LRMDA: variants seen among roughly 807,000 people sequenced by gnomAD.
LRMDA encodes the protein leucine rich melanocyte differentiation associated, also known as leucine-rich melanocyte differentiation-associated protein.
Under a neutral mutation model 29.8 loss-of-function variants are expected in LRMDA, and 18 were observed. The ratio of observed to expected loss-of-function variants is 0.60; its 90% CI spans 0.42 to 0.90. The LOEUF (loss-of-function observed/expected upper bound fraction) is 0.90. Ranked by LOEUF, LRMDA falls within the 40% of genes least tolerant of loss-of-function variation. The probability of loss-of-function intolerance (pLI) is 0.00; values close to 1 mark genes in which losing one functional copy is unlikely to be tolerated. For missense variants in LRMDA, 273 were observed against 273.9 expected (o/e 1.00, Z 0.02); for synonymous variants, 125 against 109.4 (o/e 1.14, Z -0.89).
chr10:76,436,289 G>T (rs1842244019), intron 6 of LRMDA, among the ~76,000 whole-genome samples: 2 of 152,196 alleles, frequency 1.3e-5, no homozygotes, highest in African/African-American at 2.4e-5. Context: ...CTTTCTGTGA[G>T]TGAAAAATAA....
At chr10:75,894,427 A>C (rs138309331) in intron 2 of LRMDA, among the ~76,000 whole-genome samples, 1,590 of 152,166 alleles carry the variant, frequency 0.01, 26 homozygotes, top group African/African-American at 0.036. Flanking sequence ...TCACTTGTTG[A>C]TTGTTGGGCA....
At chr10:76,119,747 A>C (rs1589335853) in intron 5 of LRMDA, among the ~76,000 whole-genome samples, 1 of 152,188 alleles carries the variant, frequency 6.6e-6, no homozygotes, top group South Asian at 2.1e-4. Context: ...AATTCTGTAC[A>C]TTCCTGAGGT....
chr10:75,807,749 TG>T (rs1843881401), intron 2 of LRMDA, among the ~76,000 whole-genome samples: 1 of 152,192 alleles, frequency 6.6e-6, no homozygotes, highest in African/African-American at 2.4e-5. Flanking sequence ...TGGTGTTCTT[TG>T]ATCTGCCGTA....
At chr10:76,412,432 A>G (rs1183822081) in intron 6 of LRMDA, among the ~76,000 whole-genome samples, 2 of 152,234 alleles carry the variant, frequency 1.3e-5, no homozygotes, top group African/African-American at 4.8e-5. Context: ...AGGGTTAACC[A>G]TACTGTGGCT....
chr10:75,492,515 A>G (rs1027262935), intron 2 of LRMDA, among the ~76,000 whole-genome samples: 1 of 152,160 alleles, frequency 6.6e-6, no homozygotes, highest in African/African-American at 2.4e-5. Context: ...AGTGGGGAAT[A>G]TATTTTTGCT....
intron 2 of LRMDA, among the ~76,000 whole-genome samples, chr10:75,587,643 A>G (rs1471224449): frequency 6.6e-6 from 1 of 152,228 alleles, no homozygotes; most frequent in Non-Finnish European, 1.5e-5. Context: ...TTGATGACGT[A>G]CTGGTCAAAC....
intron 5 of LRMDA, among the ~76,000 whole-genome samples, chr10:76,091,716 C>A (rs914270264): frequency 1.3e-5 from 2 of 152,114 alleles, no homozygotes; most frequent in Admixed American, 1.3e-4. Context: ...GAGGTAGAGT[C>A]TCTCTTTGTT....
At chr10:75,897,385 G>C (rs1442353763) in intron 2 of LRMDA, among the ~76,000 whole-genome samples, 1 of 152,318 alleles carries the variant, frequency 6.6e-6, no homozygotes, top group East Asian at 1.9e-4. Context: ...CCTTGCAGAA[G>C]TGGGGAACAC....
At position 76,199,916 on chromosome 10, in the gene LRMDA, G is replaced by A. The variant is rs1851396906; in HGVS notation, c.517-124485G>A. Among the ~76,000 whole-genome samples, 6 of 152,222 alleles carry A rather than the reference G, an allele frequency of 3.9e-5. No homozygotes were observed. In the South Asian group the frequency reaches 1.2e-3, roughly 32 times the overall value. On this transcript the variant is annotated intron_variant, in intron 5 of 6. Transcript: ENST00000611255. The stretch of plus-strand genomic sequence containing the variant: ...TTTTACAATATCAGTATGGTACACC[G>A]ATCAATTAAAAATACTTTGTAAACA...
rs535046179 is a variant in LRMDA at position 76,113,967 on chromosome 10, C to T, written c.516+55184C>T. On this transcript the variant is annotated intron_variant, in intron 5 of 6. Coordinates refer to ENST00000611255, the MANE Select transcript of LRMDA (RefSeq NM_001305581.2). ...CGAAGATGCCAAATGAAAAGTTCCT[C>T]GTTTTAAGTTGGTGCTTATACAAAG... 1.5e-4 allele frequency among the ~76,000 whole-genome samples: 23 copies of T among 152,304 alleles called. No homozygotes were observed. The East Asian group carries it at 4.0e-3, about 27-fold the overall frequency.
At chr10:76,104,214 T>C (rs1341358271) in intron 5 of LRMDA, among the ~76,000 whole-genome samples, 4 of 152,156 alleles carry the variant, frequency 2.6e-5, no homozygotes, top group Non-Finnish European at 5.9e-5. Flanking sequence ...GGAAGGACCA[T>C]GGCTCTTCTA....
At chr10:75,506,496 G>C (rs1162119174) in intron 2 of LRMDA, among the ~76,000 whole-genome samples, 1 of 151,578 alleles carries the variant, frequency 6.6e-6, no homozygotes, top group Non-Finnish European at 1.5e-5. Flanking sequence ...TTTTTTTGGT[G>C]TCTTATAGCA....
intron 2 of LRMDA, among the ~76,000 whole-genome samples, chr10:75,959,627 G>C (rs1489906535): frequency 6.6e-6 from 1 of 152,016 alleles, no homozygotes; most frequent in Non-Finnish European, 1.5e-5. Flanking sequence ...AGTTTAGAAG[G>C]CCTCTACGAT....
At chr10:75,525,404 T>C (rs971442370) in intron 2 of LRMDA, among the ~76,000 whole-genome samples, 1 of 152,112 alleles carries the variant, frequency 6.6e-6, no homozygotes, top group Non-Finnish European at 1.5e-5. Context: ...TTGGAGTATG[T>C]AGTTTATGAT....
chr10:75,872,244 C>T (rs918967164), intron 2 of LRMDA, among the ~76,000 whole-genome samples: 2 of 152,008 alleles, frequency 1.3e-5, no homozygotes, highest in Admixed American at 1.3e-4. Flanking sequence ...GAGAACATCT[C>T]ATTATGTTTC....
intron 2 of LRMDA, among the ~76,000 whole-genome samples, chr10:75,503,899 G>A (rs1016962943): frequency 5.3e-5 from 8 of 151,984 alleles, no homozygotes; most frequent in African/African-American, 1.9e-4. Flanking sequence ...AAGTGTAAGG[G>A]TATTTGATTA....
chr10:76,214,539 T>C (rs1227739666), intron 5 of LRMDA, among the ~76,000 whole-genome samples: 1 of 151,762 alleles, frequency 6.6e-6, no homozygotes, highest in African/African-American at 2.4e-5. Context: ...AGAGACGGGG[T>C]TTCACCTTGT....
At chr10:75,979,989 CTTCTT>C (rs1203144536) in intron 2 of LRMDA, among the ~76,000 whole-genome samples, 2 of 152,016 alleles carry the variant, frequency 1.3e-5, no homozygotes, top group Admixed American at 1.3e-4. Context: ...CTCTCTCTTT[CTTCTT>C]TTAATAGACT....
At position 76,036,152 on chromosome 10, in the gene LRMDA, C is replaced by T. The variant is rs745380172; in HGVS notation, c.258+18C>T. On this transcript the variant is annotated intron_variant, in intron 3 of 6. Transcript: ENST00000611255. The stretch of plus-strand genomic sequence containing the variant: ...AGAACCGAATATCCTTTCCTCTGCC[C>T]GCTGCCCCCACTCCCCACCCAGCCC... 5 of 1,607,796 alleles carry T rather than the reference C, an allele frequency of 3.1e-6. No individual in the cohort carries two copies. In the South Asian group the frequency reaches 3.3e-5, roughly 11 times the overall value.
Sources: gnomAD v4.1 joint callset for allele counts (sites outside exome capture counted in the v4.1 genomes callset) on GRCh38, gnomAD v4.1.1 for gene constraint, MANE v1.5 for transcripts, NCBI Gene and HGNC (gene_info 2026-07-23, HGNC 2026-07-21) for gene names.